PLCB1: variants seen among roughly 807,000 people sequenced by gnomAD.
PLCB1 encodes phospholipase C beta 1, also known as 1-phosphatidylinositol 4,5-bisphosphate phosphodiesterase beta-1.
Under a neutral mutation model 161.8 loss-of-function variants are expected in PLCB1, and 46 were observed. That is an observed-to-expected ratio of 0.28 (90% CI 0.22 to 0.36). The LOEUF (loss-of-function observed/expected upper bound fraction) is 0.36. PLCB1 is among the 10% of genes least tolerant of loss of function. PLCB1 has a pLI of 1.00. For missense variants in PLCB1, 1,016 were observed against 1,472.5 expected (o/e 0.69, Z 5.07); for synonymous variants, 517 against 503.7 (o/e 1.03, Z -0.35).
At chr20:8,879,493 C>T (rs1054207254) in intron 31 of PLCB1, among the ~76,000 whole-genome samples, 6 of 151,932 alleles carry the variant, frequency 3.9e-5, no homozygotes, top group African/African-American at 1.5e-4. Flanking sequence ...CAGTTAAGTT[C>T]ATGTATAGTC....
At chr20:8,789,387 A>T in intron 29 of PLCB1, 131 bp from the exon 30 acceptor site, 1 of 684,608 alleles carries the variant, frequency 1.5e-6, no homozygotes. Flanking sequence ...TCCAATAAAT[A>T]AATAGATAAA....
At position 8,757,904 on chromosome 20, in the gene PLCB1, C is replaced by G. The variant is rs143229982; in HGVS notation, c.2656+726C>G. On this transcript the variant is annotated intron_variant, in intron 24 of 31. Coordinates refer to ENST00000338037, the MANE Select transcript of PLCB1 (RefSeq NM_015192.4). ...ATAAATAAATAAATAAAATAAAAAT[C>G]CTTTGATTTCTACGCAGCTAACTTT... Among the ~76,000 whole-genome samples the G allele has an allele frequency of 2.3e-3, 339 of 150,538 alleles. 2 individuals are homozygous for G. The Middle Eastern group carries it at 0.037, about 17-fold the overall frequency.
At chr20:8,735,067 A>G (rs1238308407) in intron 19 of PLCB1, among the ~76,000 whole-genome samples, 2 of 152,230 alleles carry the variant, frequency 1.3e-5, no homozygotes, top group East Asian at 1.9e-4. Context: ...TTATTTTAGG[A>G]AAGTATTTTC....
At chr20:8,777,603 C>T (rs532057300) in intron 27 of PLCB1, among the ~76,000 whole-genome samples, 1 of 151,826 alleles carries the variant, frequency 6.6e-6, no homozygotes, top group Non-Finnish European at 1.5e-5. Flanking sequence ...CCTGTAATCC[C>T]AGCTACTCTG....
At chr20:8,340,864 A>G (rs1347128456) in intron 2 of PLCB1, among the ~76,000 whole-genome samples, 1 of 152,168 alleles carries the variant, frequency 6.6e-6, no homozygotes, top group African/African-American at 2.4e-5. Flanking sequence ...CAGTCTCAAC[A>G]GAGAGGACTT....
Position 8,356,199 on chromosome 20 carries a change from T to TTTATAAACTTAAA in PLCB1, c.178-15183_178-15182insTTATAAACTTAAA, listed in dbSNP as rs1986357036. On this transcript the variant is annotated intron_variant, in intron 2 of 31. Transcript: ENST00000338037. ...CTGAGTGCTTTAAAGTAAACTTGAG[T>TTTATAAACTTAAA]GTTTATAAGTAAGGGAATTATTAAG... is the stretch of plus-strand genomic sequence containing the variant. 2.6e-5 allele frequency among the ~76,000 whole-genome samples: 4 copies of TTTATAAACTTAAA among 152,186 alleles called. No individual in the cohort carries two copies. The South Asian group carries it at 8.3e-4, about 32-fold the overall frequency.
At chr20:8,486,536 C>T (rs1382085262) in intron 3 of PLCB1, among the ~76,000 whole-genome samples, 9 of 132,282 alleles carry the variant, frequency 6.8e-5, no homozygotes, top group East Asian at 2.2e-4. Flanking sequence ...TCGCCCAGGC[C>T]GGACTGCGGA....
chr20:8,240,549 A>G (rs190130855), intron 2 of PLCB1, among the ~76,000 whole-genome samples: 7 of 152,028 alleles, frequency 4.6e-5, no homozygotes, highest in East Asian at 1.9e-4. Flanking sequence ...TCTGTTACCA[A>G]TGATGCTGGA....
intron 23 of PLCB1, among the ~76,000 whole-genome samples, chr20:8,747,678 A>G (rs1159720111): frequency 3.9e-5 from 6 of 152,176 alleles, no homozygotes; most frequent in Admixed American, 6.5e-5. Context: ...AGCCTGAGGC[A>G]GGAGAATCGC....
chr20:8,672,556 T>TG, intron 9 of PLCB1, among the ~76,000 whole-genome samples: 1 of 152,230 alleles, frequency 6.6e-6, no homozygotes, highest in African/African-American at 2.4e-5. Flanking sequence ...TGCCATGATG[T>TG]GGGCATTTCC....
intron 26 of PLCB1, among the ~76,000 whole-genome samples, chr20:8,766,327 G>A (rs543816222): frequency 5.9e-5 from 9 of 152,314 alleles, no homozygotes; most frequent in African/African-American, 1.9e-4. Flanking sequence ...GAGAATGACT[G>A]GAGATAGGAG....
In PLCB1 at chr20:8,733,540, A is replaced by G. The variant is rs1980385148; in HGVS notation, c.2043+148A>G. On this transcript the variant is annotated intron_variant, in intron 19 of 31. Transcript: ENST00000338037. ...TTTTTTTTCTCTAAAGATCAAATAC[A>G]CATTAAAAGTTTTCGTAAGGGGTCC... 5 of 694,862 alleles carry G rather than the reference A, an allele frequency of 7.2e-6. No homozygotes were observed. In the Admixed American group the frequency reaches 1.1e-4, roughly 16 times the overall value. 43.0% of individuals were successfully genotyped at this position (694,862 alleles called of 1,614,324 possible).
intron 2 of PLCB1, among the ~76,000 whole-genome samples, chr20:8,330,812 A>G (rs1985338866): frequency 6.6e-6 from 1 of 152,200 alleles, no homozygotes; most frequent in South Asian, 2.1e-4. Flanking sequence ...CTACAACATT[A>G]GCATCTACAT....
Position 8,132,848 on chromosome 20 carries a change from C to A in PLCB1, c.99+98C>A. 1.2e-6 allele frequency: 1 copy of A among 814,662 alleles called. No homozygotes were observed. Among genetic ancestry groups the A allele is most frequent in the Non-Finnish European group, 2.0e-6 (1 of 494,040 alleles). The allele number at this position is 814,662 out of a possible 1,614,324, so 50.5% of individuals were successfully genotyped here. A position where few individuals can be genotyped will look rare whatever the true frequency, so the allele number is the denominator to read the frequency against. ...CAAGGGGCGCGTTATGCAATGGGCG[C>A]ACTGGGAGCGGGCAGGGGCAGCCTC... On this transcript the variant is annotated intron_variant, in intron 1 of 31. Transcript: ENST00000338037. This position sits in a 1 kb window ranked among gnomAD's most constrained non-coding sequence, Gnocchi z 5.2.
intron 2 of PLCB1, among the ~76,000 whole-genome samples, chr20:8,171,945 A>G (rs960809474): frequency 6.6e-6 from 1 of 152,080 alleles, no homozygotes; most frequent in Non-Finnish European, 1.5e-5. Flanking sequence ...CTGAGTGTTC[A>G]CTTCTCTGGG....
At chr20:8,245,542 T>C (rs1980837266) in intron 2 of PLCB1, among the ~76,000 whole-genome samples, 1 of 151,912 alleles carries the variant, frequency 6.6e-6, no homozygotes, top group Non-Finnish European at 1.5e-5. Context: ...AGGTTTTGGT[T>C]GGGCAAGGTC....
chr20:8,649,344 CCT>C, intron 6 of PLCB1, 28 bp from the exon 7 acceptor site: 1 of 1,554,804 alleles, frequency 6.4e-7, no homozygotes, highest in Non-Finnish European at 8.9e-7. Flanking sequence ...GCCATTTAAA[CCT>C]CTCTCCTTTG....
chr20:8,472,025 C>T (rs1468200941), intron 3 of PLCB1, among the ~76,000 whole-genome samples: 1 of 152,124 alleles, frequency 6.6e-6, no homozygotes, highest in Non-Finnish European at 1.5e-5. Context: ...CACATTGCTT[C>T]AGGTTGAAAG....
chr20:8,174,916 T>A (rs2051767150), intron 2 of PLCB1, among the ~76,000 whole-genome samples: 1 of 151,282 alleles, frequency 6.6e-6, no homozygotes, highest in Non-Finnish European at 1.5e-5. Context: ...ATAAAATAAA[T>A]AAAAAAGATG....
Sources: gnomAD v4.1 joint callset for allele counts (sites outside exome capture counted in the v4.1 genomes callset) on GRCh38, gnomAD v4.1.1 for gene constraint, Gnocchi (gnomAD v3.1) non-coding constraint, MANE v1.5 for transcripts, NCBI Gene and HGNC (gene_info 2026-07-23, HGNC 2026-07-21) for gene names.